Variants in LLGL1 observed in about 807,000 individuals in gnomAD.
The protein encoded by LLGL1 is LLGL scribble cell polarity complex component 1, also known as lethal(2) giant larvae protein homolog 1.
Under a neutral mutation model 110.6 loss-of-function variants are expected in LLGL1, and 58 were observed. That is an observed-to-expected ratio of 0.52 (90% confidence interval 0.42 to 0.65). The LOEUF is 0.65. Ranked by LOEUF, LLGL1 falls within the 30% of genes least tolerant of loss-of-function variation. The pLI is 0.00. For synonymous variants in LLGL1, 674 were observed against 607.2 expected, an observed-to-expected ratio of 1.11 and a Z score of -1.62; for missense variants, 1,229 against 1,462.1, an observed-to-expected ratio of 0.84 and a Z score of 2.60.
At position 18,229,937 on chromosome 17, in the gene LLGL1, G is replaced by A; in HGVS notation, c.82-4G>A. 1.9e-6 allele frequency: 3 copies of A among 1,604,216 alleles called. No homozygotes were observed. Among genetic ancestry groups the A allele is most frequent in the East Asian group, 2.2e-5 (1 of 44,706 alleles). ...TACCCCCAGCAGCCCTCCCCTCCTT[G>A]CAGACTGTGGAGCATGGCTTCCCCA... On this transcript the variant is annotated splice_region_variant and splice_polypyrimidine_tract_variant and intron_variant, in intron 1 of 22. Transcript: ENST00000316843.
intron 22 of LLGL1, 55 bp downstream of exon 22, chr17:18,242,877 G>C: frequency 1.4e-6 from 2 of 1,466,040 alleles, no homozygotes; most frequent in East Asian, 2.5e-5. Context: ...ACCCCCTTCA[G>C]CCCGTCTGGG....
chr17:18,225,703 G>GCGGCAGGGCGCCGAC lies in LLGL1; in HGVS notation c.23_37dup (p.Arg8_Asp12dup). 17 of 1,051,052 alleles carry GCGGCAGGGCGCCGAC rather than the reference G, an allele frequency of 1.6e-5. No homozygotes were observed. Among genetic ancestry groups the GCGGCAGGGCGCCGAC allele is most frequent in the Non-Finnish European group, 2.0e-5 (17 of 862,830 alleles). The allele number at this position is 1,051,052 out of a possible 1,614,324, so 65.1% of individuals were successfully genotyped here. On this transcript the variant is annotated inframe_insertion, in exon 1 of 23. Coordinates refer to ENST00000316843, the MANE Select transcript of LLGL1 (RefSeq NM_004140.4). The stretch of plus-strand genomic sequence containing the variant: ...GCAAGATGATGAAGTTTCGGTTCCG[G>GCGGCAGGGCGCCGAC]CGGCAGGGCGCCGACCCGCAGCGCG...
intron 4 of LLGL1, among the ~76,000 whole-genome samples, chr17:18,233,035 A>G (rs1240849652): frequency 6.6e-6 from 1 of 152,216 alleles, no homozygotes; most frequent in Non-Finnish European, 1.5e-5. Context: ...CAGGTAATTA[A>G]CATTGTGAGC....
chr17:18,239,866 C>T (rs962862106), intron 16 of LLGL1, among the ~76,000 whole-genome samples: 1 of 152,022 alleles, frequency 6.6e-6, no homozygotes, highest in Non-Finnish European at 1.5e-5. Context: ...GGCTGGGGTT[C>T]CTGTTGGGCA....
At chr17:18,238,718 A>T in intron 16 of LLGL1, 109 bp downstream of exon 16, 1 of 1,161,218 alleles carries the variant, frequency 8.6e-7, no homozygotes, top group Non-Finnish European at 1.2e-6. Context: ...TGCACCTTCC[A>T]GGAGGTGGCT....
In LLGL1 at chr17:18,240,718, C is replaced by T. The variant is rs1176607445; in HGVS notation, c.2347C>T (p.Gln783Ter). The change falls in exon 17 of 23, where the codon CAG (glutamine) becomes TAG (stop). Residue 783 changes from glutamine to a stop codon, truncating the protein, a stop_gained. Transcript: ENST00000316843. LOFTEE classifies it high-confidence loss of function. The surrounding 1 kb of genome is among the most constrained non-coding windows in gnomAD (Gnocchi z 5.3). The part of the protein sequence containing the change: ...AVEAVLGKEV[Q>*]LMHRAPVVAI... ...GGAGGCCGTGCTGGGCAAGGAGGTG[C>T]AGCTGATGCACCGGGCGCCTGTGGT... 1 of 1,612,862 alleles carries T rather than the reference C, an allele frequency of 6.2e-7. No homozygotes were observed.
In LLGL1 at chr17:18,241,635, G is replaced by A. The variant is rs1035106704; in HGVS notation, c.2687G>A (p.Arg896Gln). 3.1e-6 allele frequency: 5 copies of A among 1,613,578 alleles called. No individual in the cohort carries two copies. Among genetic ancestry groups the A allele is most frequent in the African/African-American group, 2.7e-5 (2 of 74,946 alleles). ...CACGTCTTCTCGGTGCCTGGCCTGC[G>A]GCCCCAGGTGCACTATTCCTGCATC... ...DVHVFSVPGL[R>Q]PQVHYSCIRK... The change falls in exon 18 of 23, where the codon CGG becomes CAG. Residue 896 changes from arginine to glutamine, a missense_variant. Transcript: ENST00000316843.
intron 1 of LLGL1, among the ~76,000 whole-genome samples, chr17:18,227,777 C>T (rs891873271): frequency 6.6e-6 from 1 of 152,154 alleles, no homozygotes; most frequent in Non-Finnish European, 1.5e-5. Context: ...CTCTGGCTAG[C>T]CTTGGGGTGG....
At chr17:18,232,206 A>T in intron 2 of LLGL1, among the ~76,000 whole-genome samples, 1 of 152,256 alleles carries the variant, frequency 6.6e-6, no homozygotes, top group South Asian at 2.1e-4. Context: ...GATCTGCAAC[A>T]GTCCTGTAAA....
intron 16 of LLGL1, among the ~76,000 whole-genome samples, chr17:18,239,069 T>G (rs2047763941): frequency 6.6e-6 from 1 of 152,070 alleles, no homozygotes; most frequent in Non-Finnish European, 1.5e-5. Context: ...CCAGTCTCTC[T>G]GGGGGAGCTG....
At chr17:18,241,227 CTG>C (rs1338911961) in intron 17 of LLGL1, 3 of 624,616 alleles carry the variant, frequency 4.8e-6, no homozygotes, top group African/African-American at 1.8e-5. Flanking sequence ...TGGCATAACT[CTG>C]TGATTGATTT....
chr17:18,244,736 A>AGGGGGTGGG lies in LLGL1; in HGVS notation c.*835_*836insTGGGGGGGG, dbSNP rs2047957287. ...TGTGTGTCCGGCGGGGGGGGGGGGCAGGGGGGGGGGTCAAGATGAGTTTCC... is the reference window on the plus strand; with the variant it reads ...TGTGTGTCCGGCGGGGGGGGGGGGCAGGGGGTGGGGGGGGGGGGGTCAAGATGAGTTTCC... On this transcript the variant is annotated 3_prime_UTR_variant, in exon 23 of 23. Transcript: ENST00000316843. 2 of 10,212 alleles carry AGGGGGTGGG rather than the reference A, an allele frequency of 2.0e-4. No individual in the cohort carries two copies. Among genetic ancestry groups the AGGGGGTGGG allele is most frequent in the Admixed American group, 1.1e-3 (1 of 886 alleles). 0.6% of individuals were successfully genotyped at this position (10,212 alleles called of 1,614,324 possible).
rs1391321701 is a variant in LLGL1 at position 18,240,266 on chromosome 17, G to A, written c.2207-312G>A. Among the ~76,000 whole-genome samples the A allele has an allele frequency of 2.6e-5, 4 of 152,140 alleles. No homozygotes were observed. The highest frequency in any genetic ancestry group is 5.9e-5 in the Non-Finnish European group (4 of 68,018). ...ATGGGGGCTGAGGGTGCAGTGGGAT[G>A]GGGCTGGAGGTCTGGTTTGGGTGCC... On this transcript the variant is annotated intron_variant, in intron 16 of 22. Transcript: ENST00000316843. This position sits in a 1 kb window ranked among gnomAD's most constrained non-coding sequence, Gnocchi z 5.3.
intron 13 of LLGL1, chr17:18,237,244 C>T (rs1014851081): frequency 6.7e-6 from 4 of 598,124 alleles, no homozygotes; most frequent in Non-Finnish European, 8.9e-6. Flanking sequence ...AGGGTGGACA[C>T]TTTGCCCTCA....
rs1259794786 is a variant in LLGL1 at position 18,234,651 on chromosome 17, C to A, written c.853C>A (p.Pro285Thr). 4.3e-6 allele frequency: 7 copies of A among 1,614,056 alleles called. No homozygotes were observed. The highest frequency in any genetic ancestry group is 5.9e-6 in the Non-Finnish European group (7 of 1,180,034). ...TCTGACGCTGTCCCACCCCTCAGGC[C>A]CCTTTCCCTGCAAGGCCATTAACAA... ...QPTVATTPYG[P>T]FPCKAINKIL... is the part of the protein sequence containing the mutation. Residue 285 changes from proline (P) to threonine (T), a missense_variant and splice_region_variant, in exon 8 of 23, where the codon CCC (proline) becomes ACC (threonine). Transcript: ENST00000316843.
intron 1 of LLGL1, among the ~76,000 whole-genome samples, chr17:18,229,292 G>A (rs986130509): frequency 4.2e-4 from 64 of 152,102 alleles, no homozygotes; most frequent in African/African-American, 1.5e-3. Context: ...GCCCCTGATG[G>A]TTATGGGAGT....
rs759269317 is a variant in LLGL1 at position 18,237,437 on chromosome 17, C to T, written c.1612-44C>T. Reference sequence around the variant, plus strand: ...CAGGCTGAGTGGGGCCCAGGGCGGCCCCTCCCCTGCGCTGATGCTCCCCCT... The same window carrying T: ...CAGGCTGAGTGGGGCCCAGGGCGGCTCCTCCCCTGCGCTGATGCTCCCCCT... On this transcript the variant is annotated intron_variant, in intron 13 of 22. Transcript: ENST00000316843. 7.3e-6 allele frequency: 11 copies of T among 1,499,266 alleles called. No individual in the cohort carries two copies. The African/African-American group carries it at 1.4e-4, about 19-fold the overall frequency. 92.9% of individuals were successfully genotyped at this position (1,499,266 alleles called of 1,614,324 possible).
At chr17:18,238,250 T>C in intron 15 of LLGL1, 36 bp downstream of exon 15, 1 of 1,606,330 alleles carries the variant, frequency 6.2e-7, no homozygotes, top group Non-Finnish European at 8.5e-7. Context: ...GCTGTGCCTG[T>C]GTCCTGTGCC....
At chr17:18,239,489 C>G (rs1336522344) in intron 16 of LLGL1, among the ~76,000 whole-genome samples, 1 of 152,128 alleles carries the variant, frequency 6.6e-6, no homozygotes, top group Non-Finnish European at 1.5e-5. Context: ...ATTCTGCCCC[C>G]CTCCTCCACA....
Sources: gnomAD v4.1 joint callset for allele counts (sites outside exome capture counted in the v4.1 genomes callset) on GRCh38, gnomAD v4.1.1 for gene constraint, Gnocchi (gnomAD v3.1) non-coding constraint, MANE v1.5 for transcripts, NCBI Gene and HGNC (gene_info 2026-07-23, HGNC 2026-07-21) for gene names.